The following RGS6 variants were observed in gnomAD, a reference collection of about 807,000 sequenced individuals.
RGS6 encodes the protein regulator of G protein signaling 6, also known as regulator of G-protein signaling 6.
RGS6 carries 30 observed loss-of-function variants against 78.5 expected under a neutral mutation model. The ratio of observed to expected loss-of-function variants is 0.38; its 90% confidence interval spans 0.29 to 0.52. The LOEUF (loss-of-function observed/expected upper bound fraction) is 0.52. Ranked by LOEUF, RGS6 falls within the 20% of genes least tolerant of loss-of-function variation. The pLI is 0.85. For missense variants in RGS6, 495 were observed against 609.7 expected (o/e 0.81, Z 1.98); for synonymous variants, 206 against 206.0 (o/e 1.00, Z 0.00).
At chr14:72,534,747 T>C (rs1401786927) in intron 15 of RGS6, among the ~76,000 whole-genome samples, 1 of 152,170 alleles carries the variant, frequency 6.6e-6, no homozygotes, top group Non-Finnish European at 1.5e-5. Flanking sequence ...CCCCAGCTGA[T>C]GGGAGGTCTG....
chr14:71,928,686 A>G (rs1421287862), upstream of RGS6, among the ~76,000 whole-genome samples: 1 of 152,228 alleles, frequency 6.6e-6, no homozygotes, highest in East Asian at 1.9e-4. Context: ...TTGATAATGA[A>G]GTAATCAAAA....
At chr14:72,337,079 A>G (rs2076162917) in intron 2 of RGS6, among the ~76,000 whole-genome samples, 1 of 152,124 alleles carries the variant, frequency 6.6e-6, no homozygotes, top group African/African-American at 2.4e-5. Flanking sequence ...GGCACAATTC[A>G]GTCCATAACA....
intron 15 of RGS6, 100 bp from the exon 16 acceptor site, chr14:72,536,086 C>T: frequency 1.1e-6 from 1 of 897,780 alleles, no homozygotes; most frequent in Non-Finnish European, 1.8e-6. Context: ...ACCTAGGTTC[C>T]TTCATCTCCT....
intron 2 of RGS6, among the ~76,000 whole-genome samples, chr14:72,209,151 G>A (rs1287046532): frequency 6.6e-6 from 1 of 152,118 alleles, no homozygotes; most frequent in Non-Finnish European, 1.5e-5. Context: ...TGAGGTGGGA[G>A]GATTGCTTGA....
intron 3 of RGS6, among the ~76,000 whole-genome samples, chr14:72,445,475 G>T (rs983220815): frequency 1.6e-5 from 2 of 123,432 alleles, no homozygotes; most frequent in African/African-American, 5.8e-5. Flanking sequence ...CAGGCAAAAA[G>T]ATGTGATTTT....
At chr14:72,548,515 G>A (rs2283374) in intron 17 of RGS6, among the ~76,000 whole-genome samples, 75,943 of 152,082 alleles carry the variant, frequency 0.5, 21,639 homozygotes, top group African/African-American at 0.79. Flanking sequence ...CCAAAGGGCA[G>A]CTTTAGGCTA....
At position 72,562,502 on chromosome 14, in the gene RGS6, G is replaced by A. The variant is rs765143529; in HGVS notation, c.*35G>A. 30 of 1,609,322 alleles carry A rather than the reference G, an allele frequency of 1.9e-5. No individual in the cohort carries two copies. Among genetic ancestry groups the A allele is most frequent in the South Asian group, 8.8e-5 (8 of 91,034 alleles). On this transcript the variant is annotated 3_prime_UTR_variant, in exon 18 of 18. Coordinates refer to ENST00000553525, the MANE Select transcript of RGS6 (RefSeq NM_001204424.2). ...CCGCAGGTCCAGGGCCTGGGCCCGC[G>A]GACCCCACAGGCAGGCGGCGGCGCT...
chr14:72,492,886 C>T (rs2096596725), intron 12 of RGS6, among the ~76,000 whole-genome samples: 1 of 152,164 alleles, frequency 6.6e-6, no homozygotes, highest in Non-Finnish European at 1.5e-5. Context: ...TTTTATGCCA[C>T]AGCAGTAGAG....
chr14:71,926,585 GAA>G, the RGS6 span, among the ~76,000 whole-genome samples: 79 of 51,258 alleles, frequency 1.5e-3, no homozygotes, highest in African/African-American at 5.7e-3. Flanking sequence ...CTCTGTCTCA[GAA>G]AAAAAAAAAA....
rs548523675 is a variant in RGS6 at position 72,437,306 on chromosome 14, A to G, written c.185-17222A>G. On this transcript the variant is annotated intron_variant, in intron 3 of 17. Coordinates refer to ENST00000553525, the MANE Select transcript of RGS6 (RefSeq NM_001204424.2). ...CAGTGAGCCGAGATCATGCCACTGC[A>G]CTCCAGCCTGGACTACAGAGTGAGA... Among the ~76,000 whole-genome samples, 544 of 138,222 alleles carry G rather than the reference A, an allele frequency of 3.9e-3. 2 individuals carry two copies. The highest frequency in any genetic ancestry group is 0.014 in the African/African-American group (513 of 37,492). The allele number at this position is 138,222 out of a possible 152,430, so 90.7% of individuals were successfully genotyped here.
chr14:71,958,871 G>A (rs2092989432), intron 1 of RGS6, among the ~76,000 whole-genome samples: 1 of 152,180 alleles, frequency 6.6e-6, no homozygotes, highest in Non-Finnish European at 1.5e-5. Flanking sequence ...GGAACCGGGA[G>A]TATGTATATT....
the RGS6 span, among the ~76,000 whole-genome samples, chr14:71,898,722 G>C: frequency 4.6e-5 from 7 of 151,790 alleles, no homozygotes; most frequent in African/African-American, 1.7e-4. Context: ...CTGTGTCCCT[G>C]GGTTCTCATT....
chr14:72,126,908 C>T (rs1215556385), intron 2 of RGS6, among the ~76,000 whole-genome samples: 2 of 152,106 alleles, frequency 1.3e-5, no homozygotes, highest in Non-Finnish European at 2.9e-5. Context: ...CTCCACATCC[C>T]ATCATCATCT....
intron 3 of RGS6, among the ~76,000 whole-genome samples, chr14:72,452,383 T>C (rs2095518236): frequency 1.3e-5 from 2 of 152,094 alleles, no homozygotes; most frequent in African/African-American, 4.8e-5. Flanking sequence ...ACTGCAAAAT[T>C]GCAAGGCTGT....
intron 7 of RGS6, 75 bp downstream of exon 7, chr14:72,465,897 T>A: frequency 8.1e-7 from 1 of 1,240,098 alleles, no homozygotes; most frequent in East Asian, 2.4e-5. Flanking sequence ...TAAGTTTATT[T>A]TTTTTTTCTT....
intron 2 of RGS6, among the ~76,000 whole-genome samples, chr14:71,986,325 A>G (rs1444682512): frequency 6.6e-6 from 1 of 152,170 alleles, no homozygotes; most frequent in Non-Finnish European, 1.5e-5. Flanking sequence ...ATTAGAAACT[A>G]TACTTTCTCT....
chr14:72,435,782 A>C (rs2094880419), intron 3 of RGS6, among the ~76,000 whole-genome samples: 1 of 118,162 alleles, frequency 8.5e-6, no homozygotes, highest in African/African-American at 3.4e-5. Flanking sequence ...CTGTGTTATC[A>C]CATCTCCTCT....
chr14:72,454,588 C>T lies in RGS6; in HGVS notation c.235+10C>T. 2 of 1,612,806 alleles carry T rather than the reference C, an allele frequency of 1.2e-6. No individual in the cohort carries two copies. The highest frequency in any genetic ancestry group is 2.2e-5 in the East Asian group (1 of 44,860). On this transcript the variant is annotated intron_variant, in intron 4 of 17. Transcript: ENST00000553525. ...TCCATTGAGGACCCAGGTACTTGAC[C>T]TTTGACCCCACCCTTATCTCCCCTG...
intron 2 of RGS6, among the ~76,000 whole-genome samples, chr14:71,972,634 A>T (rs1434913037): frequency 6.6e-6 from 1 of 152,094 alleles, no homozygotes; most frequent in East Asian, 1.9e-4. Context: ...TCAATGGGTG[A>T]TCGATGTGGA....
Sources: allele counts gnomAD v4.1 joint callset (sites outside exome capture counted in the v4.1 genomes callset), GRCh38; gene constraint gnomAD v4.1.1; transcripts MANE v1.5; gene names NCBI Gene and HGNC (gene_info 2026-07-23, HGNC 2026-07-21).